SEMA3E: variants seen among roughly 807,000 people sequenced by gnomAD.
SEMA3E encodes semaphorin 3E, also known as semaphorin-3E.
Under a neutral mutation model 93.6 loss-of-function variants are expected in SEMA3E, and 49 were observed. That is an observed-to-expected ratio of 0.52 (90% CI 0.42 to 0.66). The LOEUF (loss-of-function observed/expected upper bound fraction) is 0.66, where lower values mean the gene tolerates loss of function less well. Ranked by LOEUF, SEMA3E falls within the 30% of genes least tolerant of loss-of-function variation. The pLI, the probability that SEMA3E is intolerant of heterozygous loss-of-function variation, is 0.00. For synonymous variants in SEMA3E, 363 were observed against 330.7 expected (o/e 1.10, Z -1.06); for missense variants, 906 against 964.8 (o/e 0.94, Z 0.81).
At chr7:83,593,440 T>C (rs1792802276) in intron 1 of SEMA3E, among the ~76,000 whole-genome samples, 1 of 151,824 alleles carries the variant, frequency 6.6e-6, no homozygotes, top group East Asian at 1.9e-4. Flanking sequence ...GATGATACAA[T>C]ATTAACAAAA....
intron 7 of SEMA3E, 118 bp from the exon 8 acceptor site, chr7:83,406,177 T>G: frequency 1.3e-6 from 1 of 772,240 alleles, no homozygotes. Context: ...ACTAGGAAAA[T>G]TTGGCATAAT....
At chr7:83,406,979 T>C (rs1788341659) in intron 7 of SEMA3E, 118 bp downstream of exon 7, 1 of 1,195,998 alleles carries the variant, frequency 8.4e-7, no homozygotes, top group Admixed American at 1.8e-5. Context: ...TAAATATCAA[T>C]TGTAGGCAGT....
At chr7:83,599,268 A>C (rs756778462) in intron 1 of SEMA3E, among the ~76,000 whole-genome samples, 6 of 152,216 alleles carry the variant, frequency 3.9e-5, no homozygotes, top group Non-Finnish European at 7.3e-5. Flanking sequence ...TAAGTTACAC[A>C]GAACACAATG....
At chr7:83,419,261 G>A (rs1788625227) in intron 4 of SEMA3E, among the ~76,000 whole-genome samples, 1 of 152,092 alleles carries the variant, frequency 6.6e-6, no homozygotes, top group South Asian at 2.1e-4. Flanking sequence ...GTATTCCACT[G>A]TGTATAAATA....
chr7:83,595,824 T>A (rs560928465), intron 1 of SEMA3E, among the ~76,000 whole-genome samples: 1 of 152,062 alleles, frequency 6.6e-6, no homozygotes. Flanking sequence ...ATCACTTGGT[T>A]AAGGTGGTGT....
chr7:83,517,588 C>T (rs1270644819), intron 1 of SEMA3E, among the ~76,000 whole-genome samples: 1 of 151,988 alleles, frequency 6.6e-6, no homozygotes, highest in Non-Finnish European at 1.5e-5. Flanking sequence ...AATTTTCTTT[C>T]TTAGCTATTC....
At position 83,490,258 on chromosome 7, in the gene SEMA3E, G is replaced by T. The variant is rs757139296; in HGVS notation, c.132C>A (p.Asn44Lys). 1.2e-6 allele frequency: 2 copies of T among 1,612,302 alleles called. No homozygotes were observed. The highest frequency in any genetic ancestry group is 2.2e-5 in the South Asian group (2 of 91,056). ...AAGGGCTATGAAATATTGATGTTCT[G>T]TTCAGATTCAAGAGCTCTGAAATGC... ...RLSHKELLNL[N>K]RTSIFHSPFG... Residue 44 changes from asparagine to lysine, a missense_variant, in exon 2 of 17, where the codon AAC becomes AAA. Physicochemically the swap from Asn to Lys is moderately conservative, Grantham distance 94. Transcript: ENST00000643230.
At position 83,589,783 on chromosome 7, in the gene SEMA3E, T is replaced by G. The variant is rs190084042; in HGVS notation, c.115+58645A>C. Among the ~76,000 whole-genome samples the G allele has an allele frequency of 4.0e-3, 614 of 152,276 alleles. 1 individual carries two copies. The highest frequency in any genetic ancestry group is 7.3e-3 in the Non-Finnish European group (494 of 68,002). On this transcript the variant is annotated intron_variant, in intron 1 of 16. Transcript: ENST00000643230. ...ACTTTGACTAAAGTTACACTTCAAGTGCCCAATAGCCACATGTGGCTAGTA... is the reference window on the plus strand; with the variant it reads ...ACTTTGACTAAAGTTACACTTCAAGGGCCCAATAGCCACATGTGGCTAGTA...
At chr7:83,586,592 T>C (rs1792632310) in intron 1 of SEMA3E, among the ~76,000 whole-genome samples, 1 of 151,838 alleles carries the variant, frequency 6.6e-6, no homozygotes, top group African/African-American at 2.4e-5. Flanking sequence ...TATATCACTT[T>C]AAAGCAGCCA....
chr7:83,407,792 A>G (rs1166127382), intron 6 of SEMA3E, among the ~76,000 whole-genome samples: 1 of 152,192 alleles, frequency 6.6e-6, no homozygotes, highest in East Asian at 1.9e-4. Context: ...TGTAAAATAT[A>G]TGAATGGTAT....
chr7:83,514,458 G>T (rs1303581339), intron 1 of SEMA3E, among the ~76,000 whole-genome samples: 1 of 152,074 alleles, frequency 6.6e-6, no homozygotes, highest in Admixed American at 6.6e-5. Flanking sequence ...GTAATGTCAT[G>T]AGTTCAAATT....
At chr7:83,410,867 A>T (rs9791983) in intron 5 of SEMA3E, among the ~76,000 whole-genome samples, 3 of 151,654 alleles carry the variant, frequency 2.0e-5, no homozygotes, top group Non-Finnish European at 4.4e-5. Flanking sequence ...AAATATAAAG[A>T]CCAGCTTGTT....
intron 16 of SEMA3E, among the ~76,000 whole-genome samples, chr7:83,382,408 CTT>C (rs1379796905): frequency 6.6e-6 from 1 of 151,922 alleles, no homozygotes; most frequent in African/African-American, 2.4e-5. Flanking sequence ...CTGTCCCTAA[CTT>C]TGTGTATGAG....
intron 16 of SEMA3E, among the ~76,000 whole-genome samples, chr7:83,383,065 C>T (rs966180158): frequency 2.0e-5 from 3 of 151,792 alleles, no homozygotes; most frequent in African/African-American, 4.8e-5. Flanking sequence ...GATGTATATA[C>T]TCTGTGGTCT....
intron 1 of SEMA3E, among the ~76,000 whole-genome samples, chr7:83,523,869 G>T (rs2115696986): frequency 6.6e-6 from 1 of 152,032 alleles, no homozygotes; most frequent in South Asian, 2.1e-4. Context: ...TTTTGTCCTT[G>T]CATTCACACT....
intron 1 of SEMA3E, among the ~76,000 whole-genome samples, chr7:83,619,904 C>CAGACAGACAGAT (rs71522672): frequency 0.014 from 2,043 of 148,128 alleles, 30 homozygotes; most frequent in South Asian, 0.063. Context: ...GATAGATAGA[C>CAGACAGACAGAT]AGATAGATAG....
chr7:83,454,272 A>AAATATAT (rs1257792756), intron 4 of SEMA3E, among the ~76,000 whole-genome samples: 14 of 110,102 alleles, frequency 1.3e-4, no homozygotes, highest in African/African-American at 5.6e-4. Context: ...AAAAAAAAAA[A>AAATATAT]ATATATATAT....
chr7:83,394,986 C>T lies in SEMA3E; in HGVS notation c.1459-648G>A, dbSNP rs149366683. Among the ~76,000 whole-genome samples, 186 of 152,244 alleles carry T rather than the reference C, an allele frequency of 1.2e-3. 1 individual carries two copies. The East Asian group carries it at 0.031, about 25-fold the overall frequency. ...CAGATCAGCTGTGCAAGTGGAAAAC[C>T]ACAAGACAGGTGAAATCCACTCTGG... is the stretch of plus-strand genomic sequence containing the variant. On this transcript the variant is annotated intron_variant, in intron 12 of 16. Transcript: ENST00000643230.
chr7:83,390,101 ACGTGTG>A (rs1787982469), intron 14 of SEMA3E, among the ~76,000 whole-genome samples: 3 of 112,942 alleles, frequency 2.7e-5, no homozygotes, highest in Non-Finnish European at 5.7e-5. Context: ...ATGCGCGTAT[ACGTGTG>A]CACATATATG....
Sources: gnomAD v4.1 joint callset for allele counts (sites outside exome capture counted in the v4.1 genomes callset) on GRCh38, gnomAD v4.1.1 for gene constraint, MANE v1.5 for transcripts, NCBI Gene and HGNC (gene_info 2026-07-23, HGNC 2026-07-21) for gene names.